The following PTPRD variants were observed in gnomAD, a reference collection of about 807,000 sequenced individuals.
The protein encoded by PTPRD is protein tyrosine phosphatase receptor type D, also known as receptor-type tyrosine-protein phosphatase delta.
In PTPRD, 34 loss-of-function variants were observed where a neutral mutation model predicts 214.5. The ratio of observed to expected loss-of-function variants is 0.16; its 90% CI spans 0.12 to 0.21. The LOEUF is 0.21. Ranked by LOEUF, PTPRD falls within the 10% of genes least tolerant of loss-of-function variation. The probability of loss-of-function intolerance (pLI) is 1.00; values close to 1 mark genes in which losing one functional copy is unlikely to be tolerated. For missense variants in PTPRD, 2,545 were observed against 2,398.7 expected (o/e 1.06, Z -1.27); for synonymous variants, 1,128 against 845.7 (o/e 1.33, Z -5.79).
intron 5 of PTPRD, among the ~76,000 whole-genome samples, chr9:9,772,571 C>T (rs1015298746): frequency 1.4e-5 from 2 of 146,188 alleles, no homozygotes; most frequent in African/African-American, 2.5e-5. Flanking sequence ...CTCTTTCCTG[C>T]TCTGCAAATG....
intron 3 of PTPRD, among the ~76,000 whole-genome samples, chr9:10,165,160 G>C (rs2099151598): frequency 6.6e-6 from 1 of 151,576 alleles, no homozygotes; most frequent in African/African-American, 2.4e-5. Flanking sequence ...TAACCTATAG[G>C]CTTTATTTAT....
intron 8 of PTPRD, among the ~76,000 whole-genome samples, chr9:9,472,479 A>G (rs1262234948): frequency 6.6e-6 from 1 of 151,948 alleles, no homozygotes; most frequent in East Asian, 2.0e-4. Flanking sequence ...CTGGGATTAC[A>G]GGCGTGAGCC....
intron 7 of PTPRD, among the ~76,000 whole-genome samples, chr9:9,669,721 G>T (rs2096791266): frequency 6.6e-6 from 1 of 151,956 alleles, no homozygotes. Flanking sequence ...TAACTTCATT[G>T]TTCTTCAACA....
chr9:8,821,837 G>C (rs1056517583), intron 11 of PTPRD, among the ~76,000 whole-genome samples: 1 of 152,116 alleles, frequency 6.6e-6, no homozygotes, highest in Non-Finnish European at 1.5e-5. Context: ...ACTAATTTTT[G>C]TATTTTTAGT....
chr9:8,753,359 T>A (rs1293254240), intron 11 of PTPRD, among the ~76,000 whole-genome samples: 2 of 152,206 alleles, frequency 1.3e-5, no homozygotes, highest in Non-Finnish European at 2.9e-5. Flanking sequence ...GTAGTTAGCA[T>A]AATTTTAGAT....
intron 11 of PTPRD, among the ~76,000 whole-genome samples, chr9:8,835,392 A>C (rs2097396112): frequency 6.6e-6 from 1 of 152,232 alleles, no homozygotes; most frequent in Non-Finnish European, 1.5e-5. Context: ...GTCTCTACTA[A>C]ACTCTTCTTG....
At chr9:8,934,405 G>T (rs536799413) in intron 11 of PTPRD, among the ~76,000 whole-genome samples, 1 of 35,286 alleles carries the variant, frequency 2.8e-5, no homozygotes, top group Non-Finnish European at 5.3e-5. Context: ...GTGTGTGTGT[G>T]TGTGTGTGTG....
chr9:9,540,492 A>G (rs902006993), intron 8 of PTPRD, among the ~76,000 whole-genome samples: 2 of 151,774 alleles, frequency 1.3e-5, no homozygotes, highest in African/African-American at 4.8e-5. Context: ...AAATAGGAGT[A>G]CCAAAAATGC....
intron 9 of PTPRD, among the ~76,000 whole-genome samples, chr9:9,194,999 G>A (rs186984380): frequency 6.7e-6 from 1 of 150,158 alleles, no homozygotes; most frequent in Non-Finnish European, 1.5e-5. Flanking sequence ...GTGTGTGTGT[G>A]TATACAGATA....
At chr9:9,498,184 G>A (rs932402391) in intron 8 of PTPRD, among the ~76,000 whole-genome samples, 2 of 152,168 alleles carry the variant, frequency 1.3e-5, no homozygotes, top group Middle Eastern at 6.8e-3. Flanking sequence ...CACAGTTGTA[G>A]GATTTTGAAT....
chr9:9,480,959 G>A (rs901146980), intron 8 of PTPRD, among the ~76,000 whole-genome samples: 7 of 152,070 alleles, frequency 4.6e-5, no homozygotes, highest in Non-Finnish European at 8.8e-5. Flanking sequence ...GGTCAACTTG[G>A]ATAAGTTATT....
intron 11 of PTPRD, among the ~76,000 whole-genome samples, chr9:8,904,893 C>G (rs1213933839): frequency 6.6e-6 from 1 of 152,136 alleles, no homozygotes; most frequent in East Asian, 1.9e-4. Context: ...TAAAAACACA[C>G]ACACATTTTT....
chr9:8,857,543 G>A (rs2097950405), intron 11 of PTPRD: 1 of 152,570 alleles, frequency 6.6e-6, no homozygotes, highest in African/African-American at 2.4e-5. Context: ...TCTGGCTCGG[G>A]AGGCGCCGGC....
At chr9:9,244,097 C>T (rs201570447) in intron 9 of PTPRD, among the ~76,000 whole-genome samples, 1 of 152,042 alleles carries the variant, frequency 6.6e-6, no homozygotes, top group African/African-American at 2.4e-5. Flanking sequence ...AAGGACCTCT[C>T]CAAGGAGAAC....
chr9:8,498,435 G>A (rs933553120), intron 25 of PTPRD, among the ~76,000 whole-genome samples: 13 of 151,904 alleles, frequency 8.6e-5, no homozygotes, highest in Non-Finnish European at 1.3e-4. Context: ...GTGCCGCCAC[G>A]CCTGGCTAAT....
At chr9:9,086,220 G>C (rs1236199569) in intron 10 of PTPRD, among the ~76,000 whole-genome samples, 1 of 152,156 alleles carries the variant, frequency 6.6e-6, no homozygotes, top group Non-Finnish European at 1.5e-5. Context: ...TATGGGTATA[G>C]AATACTGAAC....
chr9:9,217,793 T>C (rs1345938813), intron 9 of PTPRD, among the ~76,000 whole-genome samples: 2 of 152,166 alleles, frequency 1.3e-5, no homozygotes, highest in East Asian at 3.9e-4. Flanking sequence ...GCATTCCAAA[T>C]TCCTCTTTGC....
rs887700163 is a variant in PTPRD at position 10,584,383 on chromosome 9, G to C, written c.-600+28015C>G. Among the ~76,000 whole-genome samples the C allele has an allele frequency of 2.6e-5, 4 of 152,226 alleles. No homozygotes were observed. In the East Asian group the frequency reaches 7.7e-4, roughly 29 times the overall value. On this transcript the variant is annotated intron_variant, in intron 2 of 45. Transcript: ENST00000381196. ...GAATTATTTCTGACAATGGCATGAAGTTATGTGGTTTCAATACAAAAAAGA... is the reference window on the plus strand; with the variant it reads ...GAATTATTTCTGACAATGGCATGAACTTATGTGGTTTCAATACAAAAAAGA...
At chr9:9,340,599 G>A (rs1418029964) in intron 9 of PTPRD, among the ~76,000 whole-genome samples, 1 of 152,136 alleles carries the variant, frequency 6.6e-6, no homozygotes. Context: ...TGATCACACT[G>A]TGAGTTAATA....
Sources: allele counts gnomAD v4.1 joint callset (sites outside exome capture counted in the v4.1 genomes callset), GRCh38; gene constraint gnomAD v4.1.1; transcripts MANE v1.5; gene names NCBI Gene and HGNC (gene_info 2026-07-23, HGNC 2026-07-21).